The following PPP2R3B variants were observed in gnomAD, a reference collection of about 807,000 sequenced individuals.
PPP2R3B encodes serine/threonine-protein phosphatase 2A regulatory subunit B'' subunit beta.
Under a neutral mutation model 72.9 loss-of-function variants are expected in PPP2R3B, and 68 were observed. That is an observed-to-expected ratio of 0.93 (90% confidence interval 0.77 to 1.14). The LOEUF (loss-of-function observed/expected upper bound fraction) is 1.14. PPP2R3B is among the 50% of genes most tolerant of loss of function. The pLI is 0.00. For missense variants in PPP2R3B, 1,018 were observed against 842.0 expected, an observed-to-expected ratio of 1.21 and a Z score of -2.59; for synonymous variants, 466 against 375.8, an observed-to-expected ratio of 1.24 and a Z score of -2.78.
At chrX:376,578 ATG>A (rs2072001625) in intron 1 of PPP2R3B, among the ~76,000 whole-genome samples, 4 of 61,400 alleles carry the variant, frequency 6.5e-5, no homozygotes, top group African/African-American at 1.6e-4. Context: ...ACACTACTGT[ATG>A]CAGGGACGGG....
At chrX:361,313 G>T in intron 2 of PPP2R3B, 92 bp downstream of exon 2, 1 of 1,436,128 alleles carries the variant, frequency 7.0e-7, no homozygotes, top group Non-Finnish European at 9.6e-7. Context: ...ACTCACGCTC[G>T]TGTGACACGC....
At chrX:349,554 G>A (rs1463064549) in intron 2 of PPP2R3B, among the ~76,000 whole-genome samples, 7 of 152,184 alleles carry the variant, frequency 4.6e-5, no homozygotes, top group Admixed American at 2.6e-4. Flanking sequence ...AAGATACGAC[G>A]ACGGGTAAGA....
intron 2 of PPP2R3B, among the ~76,000 whole-genome samples, chrX:356,360 T>C (rs2738332): frequency 0.29 from 43,749 of 151,838 alleles, 6,780 homozygotes; most frequent in East Asian, 0.39. Flanking sequence ...GAATGACAGG[T>C]GCCCGCCACC....
intron 1 of PPP2R3B, among the ~76,000 whole-genome samples, chrX:379,680 T>C (rs1450038264): frequency 6.6e-6 from 1 of 152,220 alleles, no homozygotes; most frequent in East Asian, 1.9e-4. Context: ...CCCGGGGAAG[T>C]ACACAACGTT....
In PPP2R3B at chrX:345,600, C is replaced by T. The variant is rs1455868669; in HGVS notation, c.952G>A (p.Val318Ile). 4 of 1,613,220 alleles carry T rather than the reference C, an allele frequency of 2.5e-6. No homozygotes were observed. Among genetic ancestry groups the T allele is most frequent in the Middle Eastern group, 1.7e-4 (1 of 6,054 alleles). Residue 318 changes from valine to isoleucine, a missense_variant, in exon 7 of 13, where the codon GTC becomes ATC. By Grantham distance (29) the Val-to-Ile change is conservative. Coordinates refer to ENST00000390665, the MANE Select transcript of PPP2R3B (RefSeq NM_013239.5). The stretch of plus-strand genomic sequence containing the variant: ...AGCTCCCAGAACTTGCAGTAGATGA[C>T]GTAGAAATGCTCGTACGAGAAGAAT... Reference protein sequence around the residue: ...TEFFSYEHFYVIYCKFWELDT... With the variant: ...TEFFSYEHFYIIYCKFWELDT...
chrX:361,282 C>T, intron 2 of PPP2R3B, 123 bp downstream of exon 2: 1 of 1,123,718 alleles, frequency 8.9e-7, no homozygotes, highest in Non-Finnish European at 1.3e-6. Context: ...TGAAACGCAC[C>T]CTCCTCGGCC....
intron 1 of PPP2R3B, among the ~76,000 whole-genome samples, chrX:382,545 CA>C (rs1190277444): frequency 1.3e-5 from 2 of 152,108 alleles, no homozygotes; most frequent in Non-Finnish European, 2.9e-5. Flanking sequence ...CCAATAAACT[CA>C]GTGCATTTCT....
chrX:351,143 C>T (rs760200777), intron 2 of PPP2R3B, among the ~76,000 whole-genome samples: 10 of 152,198 alleles, frequency 6.6e-5, no homozygotes, highest in East Asian at 3.9e-4. Context: ...CTGGAGGGGC[C>T]GGGCCCCGCA....
chrX:342,129 T>C, intron 7 of PPP2R3B, 198 bp from the exon 8 acceptor site: 1 of 651,802 alleles, frequency 1.5e-6, no homozygotes, highest in South Asian at 1.8e-5. Flanking sequence ...CAGAGCCAAG[T>C]CCAGCATGAA....
chrX:379,766 A>C (rs2072084716), intron 1 of PPP2R3B, among the ~76,000 whole-genome samples: 1 of 152,248 alleles, frequency 6.6e-6, no homozygotes, highest in Admixed American at 6.5e-5. Context: ...CAATTATCCT[A>C]AATTGATCCA....
In PPP2R3B at chrX:334,188, A is replaced by G. The variant is rs56277063; in HGVS notation, c.*179T>C. ...GGCCCTACGTGTCCCCCTGGCACAG[A>G]GCTCTGGGCAGGTCCAGCCACGAAC... is the stretch of plus-strand genomic sequence containing the variant. On this transcript the variant is annotated 3_prime_UTR_variant, in exon 13 of 13. Coordinates refer to ENST00000390665, the MANE Select transcript of PPP2R3B (RefSeq NM_013239.5). 0.42 allele frequency: 275,896 copies of G among 658,042 alleles called. 62,745 individuals carry two copies. The highest frequency in any genetic ancestry group is 0.76 in the African/African-American group (39,078 of 51,262). The allele number at this position is 658,042 out of a possible 1,614,324, so 40.8% of individuals were successfully genotyped here.
intron 4 of PPP2R3B, 105 bp from the exon 5 acceptor site, chrX:346,880 T>C (rs1179402622): frequency 7.2e-6 from 8 of 1,112,906 alleles, no homozygotes; most frequent in Non-Finnish European, 9.2e-6. Flanking sequence ...CGATGAGGTG[T>C]GCGGTGTAGA....
rs759614605 is a variant in PPP2R3B at position 338,798 on chromosome X, C to T, written c.1450G>A (p.Glu484Lys). The change falls in exon 11 of 13, where the codon GAG becomes AAG. Residue 484 changes from glutamate to lysine, a missense_variant. Physicochemically the swap from Glu to Lys is moderately conservative, Grantham distance 56. Coordinates refer to ENST00000390665, the MANE Select transcript of PPP2R3B (RefSeq NM_013239.5). ...CTCACCCTGAGCAGGGAGATCTGCT[C>T]TTTCTGCTCGTGGTCGAGGTACTTC... ...IEKYLDHEQKEQISLLRDGDS... is the reference protein window; with the variant it reads ...IEKYLDHEQKKQISLLRDGDS... 1 of 1,612,444 alleles carries T rather than the reference C, an allele frequency of 6.2e-7. No individual in the cohort carries two copies. Among genetic ancestry groups the T allele is most frequent in the Admixed American group, 1.7e-5 (1 of 60,020 alleles).
chrX:364,506 TAAA>T (rs748519595), intron 1 of PPP2R3B, among the ~76,000 whole-genome samples: 1 of 44,514 alleles, frequency 2.2e-5, no homozygotes, highest in Non-Finnish European at 4.5e-5. Context: ...TCATCTCTAC[TAAA>T]AAAAAAAAAA....
rs58891419 is a variant in PPP2R3B, at chrX:338,733, G to A, written c.1471-23C>T. ...GTCCTGGAGGAAGCACACGGGTTAC[G>A]TACACGGCGTGGCGCGGCCCGGCCC... is the stretch of plus-strand genomic sequence containing the variant. On this transcript the variant is annotated intron_variant, in intron 11 of 12. Transcript: ENST00000390665. The A allele has an allele frequency of 1.1e-3, 1,766 of 1,611,828 alleles. 16 individuals carry two copies. The African/African-American group carries it at 0.018, about 17-fold the overall frequency.
chrX:350,438 C>T (rs28613845), intron 2 of PPP2R3B, among the ~76,000 whole-genome samples: 2,716 of 152,302 alleles, frequency 0.018, 75 homozygotes, highest in African/African-American at 0.061. Context: ...AACACCATGA[C>T]AGGACATGAC....
intron 2 of PPP2R3B, among the ~76,000 whole-genome samples, chrX:349,932 C>T (rs1247646178): frequency 2.0e-5 from 3 of 152,240 alleles, no homozygotes; most frequent in Non-Finnish European, 4.4e-5. Flanking sequence ...AGAGTCCACG[C>T]GATCCCCACC....
At chrX:336,715 T>A (rs2070898159) in intron 12 of PPP2R3B, 1 of 152,258 alleles carries the variant, frequency 6.6e-6, no homozygotes, top group Non-Finnish European at 1.5e-5. Flanking sequence ...CAATAAATTC[T>A]ATATGCTACC....
At chrX:344,478 G>A (rs1328601121) in intron 7 of PPP2R3B, among the ~76,000 whole-genome samples, 1 of 152,268 alleles carries the variant, frequency 6.6e-6, no homozygotes, top group African/African-American at 2.4e-5. Flanking sequence ...AGGCCGCAGT[G>A]CGTGAGAAAC....
Sources: gnomAD v4.1 joint callset for allele counts (sites outside exome capture counted in the v4.1 genomes callset) on GRCh38, gnomAD v4.1.1 for gene constraint, MANE v1.5 for transcripts, NCBI Gene and HGNC (gene_info 2026-07-23, HGNC 2026-07-21) for gene names.